The following SARNP variants were observed in gnomAD, a reference collection of about 807,000 sequenced individuals.
SARNP encodes SAP domain containing ribonucleoprotein.
A neutral mutation model predicts 38.1 loss-of-function variants in SARNP; 5 were observed. The observed-to-expected ratio is 0.13, with a 90% confidence interval of 0.07 to 0.28. SARNP has a LOEUF of 0.28. Among genes scored for constraint, SARNP ranks in the 10% least tolerant of loss-of-function variants. The pLI, the probability that SARNP is intolerant of heterozygous loss-of-function variation, is 1.00. For synonymous variants in SARNP, 84 were observed against 80.6 expected (o/e 1.04, Z -0.23); for missense variants, 180 against 243.9 (o/e 0.74, Z 1.75).
intron 9 of SARNP, among the ~76,000 whole-genome samples, chr12:55,768,123 CTCTT>C (rs1457833436): frequency 1.3e-5 from 2 of 151,862 alleles, no homozygotes; most frequent in African/African-American, 2.4e-5. Flanking sequence ...CTCTCTCTCT[CTCTT>C]ATTTATTTAT....
At chr12:55,789,781 T>C (rs1879608332) in intron 8 of SARNP, among the ~76,000 whole-genome samples, 1 of 151,704 alleles carries the variant, frequency 6.6e-6, no homozygotes, top group Non-Finnish European at 1.5e-5. Context: ...CCGTCTCTAC[T>C]AAAAATACAA....
intron 9 of SARNP, among the ~76,000 whole-genome samples, chr12:55,761,244 A>G (rs1878667276): frequency 6.6e-6 from 1 of 152,140 alleles, no homozygotes; most frequent in South Asian, 2.1e-4. Context: ...TGCTCAAGCA[A>G]TTCTGGCAGT....
chr12:55,763,504 C>T (rs747228700), intron 9 of SARNP, among the ~76,000 whole-genome samples: 45 of 152,098 alleles, frequency 3.0e-4, no homozygotes, highest in Non-Finnish European at 6.2e-4. Context: ...GATGGGGTTT[C>T]GCCACGTTAG....
chr12:55,770,394 G>GT (rs1157595075), intron 9 of SARNP, among the ~76,000 whole-genome samples: 3,048 of 133,184 alleles, frequency 0.023, 47 homozygotes, highest in African/African-American at 0.055. Flanking sequence ...GCCCAGCTAG[G>GT]TTTTTTTTTT....
At chr12:55,790,657 T>C (rs893597019) in intron 7 of SARNP, 65 bp from the exon 8 acceptor site, 39 of 1,383,370 alleles carry the variant, frequency 2.8e-5, no homozygotes, top group African/African-American at 4.5e-5. Flanking sequence ...AGTCTTCAAG[T>C]CAAATTAGGC....
chr12:55,780,395 A>C (rs1012824501), intron 9 of SARNP, among the ~76,000 whole-genome samples: 2 of 152,152 alleles, frequency 1.3e-5, no homozygotes, highest in Admixed American at 6.6e-5. Context: ...CAGAGGTTGC[A>C]GTGAGCTCAG....
intron 9 of SARNP, among the ~76,000 whole-genome samples, chr12:55,779,043 T>TC (rs1257763466): frequency 1.3e-5 from 2 of 152,168 alleles, no homozygotes; most frequent in African/African-American, 4.8e-5. Context: ...AACAAAAAAC[T>TC]CCAAGAATGT....
At chr12:55,770,440 C>T (rs1206176853) in intron 9 of SARNP, among the ~76,000 whole-genome samples, 2 of 150,966 alleles carry the variant, frequency 1.3e-5, no homozygotes, top group African/African-American at 2.4e-5. Context: ...GGGTTTACAC[C>T]GTGTTAGCCA....
At chr12:55,788,982 G>T in intron 9 of SARNP, 93 bp downstream of exon 9, 1 of 797,834 alleles carries the variant, frequency 1.3e-6, no homozygotes, top group South Asian at 1.6e-5. Context: ...TTTGTAGCCA[G>T]CTACATTCTC....
chr12:55,765,319 T>C (rs1409384011), intron 9 of SARNP, among the ~76,000 whole-genome samples: 1 of 151,752 alleles, frequency 6.6e-6, no homozygotes, highest in Non-Finnish European at 1.5e-5. Flanking sequence ...AAATGGGGAG[T>C]CTGATTTCCC....
At chr12:55,771,771 G>C (rs1320304211) in intron 9 of SARNP, among the ~76,000 whole-genome samples, 1 of 152,180 alleles carries the variant, frequency 6.6e-6, no homozygotes, top group Non-Finnish European at 1.5e-5. Flanking sequence ...CCAAAGGAAT[G>C]TAAGGTAGCA....
At chr12:55,786,511 G>A (rs764716934) in intron 9 of SARNP, among the ~76,000 whole-genome samples, 11 of 152,078 alleles carry the variant, frequency 7.2e-5, no homozygotes, top group Non-Finnish European at 1.6e-4. Context: ...GTACGGTGGC[G>A]CAATCTCGGC....
At chr12:55,808,535 G>T (rs1209407477) in intron 1 of SARNP, among the ~76,000 whole-genome samples, 1 of 152,036 alleles carries the variant, frequency 6.6e-6, no homozygotes, top group African/African-American at 2.4e-5. Context: ...GACCTCAGGT[G>T]ATCCACCCGC....
chr12:55,808,364 G>A (rs1056386095), intron 1 of SARNP, among the ~76,000 whole-genome samples: 27 of 151,796 alleles, frequency 1.8e-4, no homozygotes, highest in African/African-American at 6.3e-4. Flanking sequence ...TGCTGCCCAG[G>A]CTGGAGTGCA....
At chr12:55,775,713 C>G (rs1879163082) in intron 9 of SARNP, among the ~76,000 whole-genome samples, 1 of 152,022 alleles carries the variant, frequency 6.6e-6, no homozygotes, top group South Asian at 2.1e-4. Context: ...CTTAAAACAT[C>G]TCCAATTTGA....
intron 7 of SARNP, chr12:55,792,560 T>G (rs1171020200): frequency 6.9e-6 from 1 of 144,176 alleles, no homozygotes; most frequent in Non-Finnish European, 1.5e-5. Flanking sequence ...TTTTTTTGTA[T>G]TTTTAGTAGA....
intron 9 of SARNP, among the ~76,000 whole-genome samples, chr12:55,780,560 C>T (rs1879314584): frequency 6.6e-6 from 1 of 152,034 alleles, no homozygotes; most frequent in Admixed American, 6.5e-5. Flanking sequence ...ATCCCAGCTA[C>T]TTGGGAAGCT....
At chr12:55,784,725 A>G (rs1405314014) in intron 9 of SARNP, among the ~76,000 whole-genome samples, 1 of 152,232 alleles carries the variant, frequency 6.6e-6, no homozygotes, top group East Asian at 1.9e-4. Flanking sequence ...ACTAGCCACA[A>G]ATGGCTTTGT....
Position 55,760,652 on chromosome 12 carries a change from C to T in SARNP, c.502-12G>A, listed in dbSNP as rs1278809166. 2 of 1,581,488 alleles carry T rather than the reference C, an allele frequency of 1.3e-6. No individual in the cohort carries two copies. Among genetic ancestry groups the T allele is most frequent in the Non-Finnish European group, 8.7e-7 (1 of 1,152,300 alleles). On this transcript the variant is annotated splice_polypyrimidine_tract_variant and intron_variant, in intron 9 of 10. Transcript: ENST00000336133. Reference sequence around the variant, plus strand: ...TCATCATCTTCAGACTGTTCAAGGACAAAGGAAAGAGTTGAAACAAACTAG... The same window carrying T: ...TCATCATCTTCAGACTGTTCAAGGATAAAGGAAAGAGTTGAAACAAACTAG...
Sources: allele counts gnomAD v4.1 joint callset (sites outside exome capture counted in the v4.1 genomes callset), GRCh38; gene constraint gnomAD v4.1.1; transcripts MANE v1.5; gene names NCBI Gene and HGNC (gene_info 2026-07-23, HGNC 2026-07-21).